Variants in MMP26 observed in about 807,000 individuals in gnomAD.
MMP26 encodes matrix metallopeptidase 26.
MMP26 carries 33 observed loss-of-function variants against 31.0 expected under a neutral mutation model. The observed-to-expected ratio is 1.06, with a 90% CI of 0.81 to 1.42. The LOEUF is 1.42. Among genes scored for constraint, MMP26 ranks in the 40% most tolerant of loss-of-function variants. The pLI is 0.00. For synonymous variants in MMP26, 122 were observed against 114.9 expected (o/e 1.06, Z -0.40); for missense variants, 347 against 316.1 (o/e 1.10, Z -0.74).
At chr11:4,827,227 C>T (rs917203793) in intron 2 of MMP26, among the ~76,000 whole-genome samples, 3 of 152,148 alleles carry the variant, frequency 2.0e-5, no homozygotes, top group African/African-American at 7.2e-5. Context: ...ATGTTCTATC[C>T]TGGAGAGCTT....
rs1024521456 is a variant in MMP26 at position 4,838,346 on chromosome 11, A to G, written c.-145+71005A>G. Among the ~76,000 whole-genome samples the G allele has an allele frequency of 3.6e-4, 52 of 142,766 alleles. 2 individuals carry two copies. The highest frequency in any genetic ancestry group is 1.4e-3 in the African/African-American group (51 of 36,516). The allele number at this position is 142,766 out of a possible 152,430, so 93.7% of individuals were successfully genotyped here. A position where few individuals can be genotyped will look rare whatever the true frequency, so the allele number is the denominator to read the frequency against. On this transcript the variant is annotated intron_variant, in intron 2 of 7. Coordinates refer to ENST00000380390, the MANE Select transcript of MMP26 (RefSeq NM_021801.5). ...AAAAAAAAAAAAAAAAAAAAAAAAA[A>G]AAAAAAAAAAGTATGATATGAATTG...
chr11:4,984,860 CCTT>C (rs1728277235), intron 2 of MMP26, among the ~76,000 whole-genome samples: 1 of 152,106 alleles, frequency 6.6e-6, no homozygotes, highest in Admixed American at 6.5e-5. Flanking sequence ...TCTCTGGTCA[CCTT>C]CTTTCAATGG....
At chr11:4,880,417 G>A (rs1850443279) in intron 2 of MMP26, among the ~76,000 whole-genome samples, 1 of 151,998 alleles carries the variant, frequency 6.6e-6, no homozygotes, top group Admixed American at 6.6e-5. Context: ...CAAGTAAGAT[G>A]GGATGAAGAA....
intron 2 of MMP26, among the ~76,000 whole-genome samples, chr11:4,786,493 C>CTTT (rs66987352): frequency 1.2e-4 from 7 of 60,352 alleles, no homozygotes; most frequent in Admixed American, 6.1e-4. Flanking sequence ...TCTGCTGATC[C>CTTT]TTTTTTTTTT....
chr11:4,746,228 T>C (rs1268164945), intron 1 of MMP26, among the ~76,000 whole-genome samples: 1 of 152,236 alleles, frequency 6.6e-6, no homozygotes, highest in Non-Finnish European at 1.5e-5. Context: ...ATCATTTTAG[T>C]GTTCTTTCTT....
chr11:4,826,157 C>T (rs1849575365), intron 2 of MMP26, among the ~76,000 whole-genome samples: 1 of 152,008 alleles, frequency 6.6e-6, no homozygotes, highest in Non-Finnish European at 1.5e-5. Flanking sequence ...CTGATAGTTG[C>T]AGGAAAGGCC....
intron 2 of MMP26, among the ~76,000 whole-genome samples, chr11:4,796,264 C>T (rs551475041): frequency 2.0e-5 from 3 of 152,264 alleles, no homozygotes; most frequent in Admixed American, 2.0e-4. Flanking sequence ...CCGTGTTTAT[C>T]AATCTAATGA....
intron 2 of MMP26, chr11:4,882,809 G>A (rs140826363): frequency 3.1e-6 from 5 of 1,613,708 alleles, no homozygotes; most frequent in Admixed American, 1.7e-5. Context: ...AATCCGCCAG[G>A]CTATGTTCCA....
intron 2 of MMP26, chr11:4,821,575 C>G (rs766905912): frequency 6.2e-7 from 1 of 1,612,980 alleles, no homozygotes; most frequent in African/African-American, 1.3e-5. Context: ...GTTTGTGGTC[C>G]TCTGTGAACG....
At chr11:4,816,188 T>C (rs71480723) in intron 2 of MMP26, among the ~76,000 whole-genome samples, 15,104 of 152,250 alleles carry the variant, frequency 0.099, 917 homozygotes, top group Middle Eastern at 0.17. Flanking sequence ...CACGGTTTCT[T>C]TATATTGATT....
intron 2 of MMP26, among the ~76,000 whole-genome samples, chr11:4,951,600 GT>G (rs1846374392): frequency 8.1e-6 from 1 of 124,010 alleles, no homozygotes; most frequent in African/African-American, 2.7e-5. Context: ...GTTTGTTCCT[GT>G]CTGATACCAT....
intron 2 of MMP26, among the ~76,000 whole-genome samples, chr11:4,873,992 CTTA>C (rs1409239671): frequency 6.6e-6 from 1 of 151,976 alleles, no homozygotes; most frequent in Non-Finnish European, 1.5e-5. Flanking sequence ...AAGAGAGACA[CTTA>C]TTATATAAGT....
At chr11:4,940,258 C>T (rs138515033) in intron 2 of MMP26, among the ~76,000 whole-genome samples, 6 of 152,210 alleles carry the variant, frequency 3.9e-5, no homozygotes, top group East Asian at 1.9e-4. Context: ...CCTTCTCACA[C>T]GTATCATACA....
chr11:4,841,343 ACC>A (rs901805939), intron 2 of MMP26, among the ~76,000 whole-genome samples: 9 of 152,142 alleles, frequency 5.9e-5, no homozygotes, highest in Admixed American at 5.9e-4. Flanking sequence ...AATCAATTTA[ACC>A]CCCAAAATAA....
intron 1 of MMP26, among the ~76,000 whole-genome samples, chr11:4,749,504 A>G (rs1848421182): frequency 1.3e-5 from 2 of 152,138 alleles, no homozygotes; most frequent in Admixed American, 1.3e-4. Context: ...AGTTGTAGGC[A>G]TCACATTACT....
intron 2 of MMP26, among the ~76,000 whole-genome samples, chr11:4,930,796 T>C (rs930885612): frequency 3.9e-5 from 6 of 152,022 alleles, no homozygotes; most frequent in African/African-American, 1.4e-4. Flanking sequence ...TGATTAAAAC[T>C]CTTTTACTGG....
Position 4,816,923 on chromosome 11 carries a change from G to A in MMP26, c.-145+49582G>A, listed in dbSNP as rs189453626. Among the ~76,000 whole-genome samples the A allele has an allele frequency of 9.7e-3, 1,453 of 150,512 alleles. 23 individuals are homozygous for A. The highest frequency in any genetic ancestry group is 0.033 in the African/African-American group (1,346 of 41,008). ...AACGTGGTTTCACCATGTTAGCCAG[G>A]ATGTTCTCGATTTCCTGACCTCGTG... On this transcript the variant is annotated intron_variant, in intron 2 of 7. Transcript: ENST00000380390.
intron 2 of MMP26, chr11:4,882,969 G>T: frequency 9.7e-7 from 1 of 1,027,818 alleles, no homozygotes; most frequent in Non-Finnish European, 1.4e-6. Context: ...TGGTTGCTGA[G>T]TCAATTCCAA....
chr11:4,848,540 G>A, intron 2 of MMP26: 1 of 1,612,784 alleles, frequency 6.2e-7, no homozygotes, highest in Non-Finnish European at 8.5e-7. Context: ...GGCCATAGGA[G>A]AAGAAAATAA....
Sources: allele counts gnomAD v4.1 joint callset (sites outside exome capture counted in the v4.1 genomes callset), GRCh38; gene constraint gnomAD v4.1.1; transcripts MANE v1.5; gene names NCBI Gene and HGNC (gene_info 2026-07-23, HGNC 2026-07-21).